SNED1: variants seen among roughly 807,000 people sequenced by gnomAD.
SNED1 encodes sushi, nidogen and EGF like domains 1.
Under a neutral mutation model 166.7 loss-of-function variants are expected in SNED1, and 81 were observed. The observed-to-expected ratio is 0.49, with a 90% CI of 0.41 to 0.58. The LOEUF is 0.58. SNED1 is among the 20% of genes least tolerant of loss of function. The pLI is 0.00. For missense variants in SNED1, 1,604 were observed against 2,000.2 expected (o/e 0.80, Z 3.78); for synonymous variants, 762 against 822.0 (o/e 0.93, Z 1.25).
At chr2:240,998,203 C>T (rs535981451), upstream of SNED1, among the ~76,000 whole-genome samples, 4 of 152,388 alleles carry the variant, frequency 2.6e-5, no homozygotes, top group South Asian at 8.3e-4. Flanking sequence ...GTTAGTCTGC[C>T]CCTGTGGCTG....
chr2:241,050,306 T>C (rs13426107), intron 12 of SNED1, among the ~76,000 whole-genome samples: 18,164 of 152,210 alleles, frequency 0.12, 1,859 homozygotes, highest in East Asian at 0.33. Flanking sequence ...ATTTAGTCGC[T>C]TGAGAATAGA....
chr2:241,088,074 C>T lies in SNED1; in HGVS notation c.4206-291C>T, dbSNP rs534834854. On this transcript the variant is annotated intron_variant, in intron 30 of 31. Transcript: ENST00000310397. ...CGGCCTGTGCACGTCACCGGCTCTT[C>T]CCTAGGGTAGCTTTTGCTTGCTTTC... The T allele has an allele frequency of 1.2e-5, 6 of 480,148 alleles. No individual in the cohort carries two copies. In the Admixed American group the frequency reaches 2.3e-4, roughly 18 times the overall value. The allele number at this position is 480,148 out of a possible 1,614,324, so 29.7% of individuals were successfully genotyped here.
chr2:241,025,182 G>A (rs1171244474), intron 1 of SNED1, among the ~76,000 whole-genome samples: 1 of 152,132 alleles, frequency 6.6e-6, no homozygotes, highest in Non-Finnish European at 1.5e-5. Context: ...GATTCTAATA[G>A]GAGCACAAAC....
intron 31 of SNED1, chr2:241,089,311 G>A: frequency 6.5e-7 from 1 of 1,550,318 alleles, no homozygotes; most frequent in Non-Finnish European, 8.7e-7. Context: ...GCAGATGAGT[G>A]AGGCACCCTT....
In SNED1 at chr2:241,049,263, G is replaced by T. The variant is rs2061756100; in HGVS notation, c.1618+128G>T. On this transcript the variant is annotated intron_variant, in intron 11 of 31. Transcript: ENST00000310397. Reference sequence around the variant, plus strand: ...CTGACTCTCGGGAGAGCTGGCACCTGGGGAAGCCTCTCTCAATAGCCTTCC... The same window carrying T: ...CTGACTCTCGGGAGAGCTGGCACCTTGGGAAGCCTCTCTCAATAGCCTTCC... The T allele has an allele frequency of 3.1e-5, 21 of 673,818 alleles. 1 individual carries two copies. In the South Asian group the frequency reaches 3.6e-4, roughly 11 times the overall value. 41.7% of individuals were successfully genotyped at this position (673,818 alleles called of 1,614,324 possible).
intron 1 of SNED1, among the ~76,000 whole-genome samples, chr2:241,020,246 T>A (rs2060731522): frequency 6.6e-6 from 1 of 152,214 alleles, no homozygotes; most frequent in Non-Finnish European, 1.5e-5. Flanking sequence ...CAGTAAAACT[T>A]CAATGTTTCT....
intron 16 of SNED1, among the ~76,000 whole-genome samples, chr2:241,058,712 A>T (rs1235597252): frequency 6.6e-6 from 1 of 152,216 alleles, no homozygotes; most frequent in Non-Finnish European, 1.5e-5. Flanking sequence ...GCACTTTAGG[A>T]GGCCGAGGCA....
At chr2:241,019,444 G>A (rs921301791) in intron 1 of SNED1, among the ~76,000 whole-genome samples, 27 of 152,326 alleles carry the variant, frequency 1.8e-4, no homozygotes, top group Admixed American at 4.6e-4. Context: ...GACTGGAACA[G>A]CAACACAATA....
At chr2:241,055,286 T>C (rs1196891112) in intron 16 of SNED1, among the ~76,000 whole-genome samples, 1 of 152,002 alleles carries the variant, frequency 6.6e-6, no homozygotes, top group Non-Finnish European at 1.5e-5. Context: ...CCACAGAACG[T>C]CAGACAGGAG....
chr2:241,072,308 T>C, intron 26 of SNED1: 1 of 431,652 alleles, frequency 2.3e-6, no homozygotes, highest in Non-Finnish European at 4.6e-6. Context: ...TGGCAAGATC[T>C]TCCCGGTGGC....
chr2:241,009,015 C>A (rs1169398462), intron 1 of SNED1, among the ~76,000 whole-genome samples: 1 of 152,208 alleles, frequency 6.6e-6, no homozygotes, highest in African/African-American at 2.4e-5. Flanking sequence ...GGCAAGGCAG[C>A]CTTGGAGGCT....
At chr2:241,072,004 C>A (rs1395574773) in intron 26 of SNED1, 126 bp downstream of exon 26, 12 of 862,766 alleles carry the variant, frequency 1.4e-5, no homozygotes, top group Non-Finnish European at 1.5e-5. Flanking sequence ...AGCCAGTGAC[C>A]CCCACCCCGA....
intron 8 of SNED1, chr2:241,041,281 A>G (rs547055331): frequency 8.1e-5 from 13 of 160,792 alleles, no homozygotes; most frequent in African/African-American, 3.1e-4. Flanking sequence ...TTATCTAAAT[A>G]TCAATGTATT....
In SNED1 at chr2:241,001,822, C is replaced by G. The variant is rs574926711; in HGVS notation, c.213+2772C>G. Among the ~76,000 whole-genome samples, 507 of 152,218 alleles carry G rather than the reference C, an allele frequency of 3.3e-3. 1 individual carries two copies. The highest frequency in any genetic ancestry group is 8.2e-3 in the Admixed American group (126 of 15,302). On this transcript the variant is annotated intron_variant, in intron 1 of 31. Transcript: ENST00000310397. Reference sequence around the variant, plus strand: ...TCTCAGTTTCTTTGGCATCAGGACCCCCGACAGAGCCCTGAGCAGAGGCAG... The same window carrying G: ...TCTCAGTTTCTTTGGCATCAGGACCGCCGACAGAGCCCTGAGCAGAGGCAG...
rs137901414 is a variant in SNED1 at position 241,023,667 on chromosome 2, A to G, written c.214-6617A>G. ...CCTTTTGTCAATTTTTCATTTATGT[A>G]TGCTGAGGCCTTGCTATAGGGTATA... is the stretch of plus-strand genomic sequence containing the variant. On this transcript the variant is annotated intron_variant, in intron 1 of 31. Coordinates refer to ENST00000310397, the MANE Select transcript of SNED1 (RefSeq NM_001080437.3). 2.6e-3 allele frequency among the ~76,000 whole-genome samples: 390 copies of G among 152,238 alleles called. 6 individuals are homozygous for G. The highest frequency in any genetic ancestry group is 9.0e-3 in the African/African-American group (375 of 41,546).
intron 1 of SNED1, among the ~76,000 whole-genome samples, chr2:241,014,412 G>A (rs73110123): frequency 0.026 from 3,939 of 152,310 alleles, 169 homozygotes; most frequent in African/African-American, 0.088. Context: ...CGTGGGATGT[G>A]CTGTGTGTGG....
intron 8 of SNED1, among the ~76,000 whole-genome samples, chr2:241,044,886 T>C (rs1371121351): frequency 6.6e-6 from 1 of 152,158 alleles, no homozygotes; most frequent in East Asian, 1.9e-4. Flanking sequence ...AGCCGCAGCG[T>C]TTTTGCCAGA....
chr2:241,071,018 C>T (rs1575056181), intron 24 of SNED1, among the ~76,000 whole-genome samples: 1 of 152,192 alleles, frequency 6.6e-6, no homozygotes, highest in African/African-American at 2.4e-5. Flanking sequence ...GGGCCAAGCC[C>T]ACCAGCCAGG....
At chr2:241,054,915 G>A (rs959733829) in intron 16 of SNED1, among the ~76,000 whole-genome samples, 4 of 152,058 alleles carry the variant, frequency 2.6e-5, no homozygotes, top group African/African-American at 4.8e-5. Flanking sequence ...TCAGGAGTTC[G>A]AGACCAGCCT....
Sources: gnomAD v4.1 joint callset for allele counts (sites outside exome capture counted in the v4.1 genomes callset) on GRCh38, gnomAD v4.1.1 for gene constraint, MANE v1.5 for transcripts, NCBI Gene and HGNC (gene_info 2026-07-23, HGNC 2026-07-21) for gene names.